The following PCDH15 variants were observed in gnomAD, a reference collection of about 807,000 sequenced individuals.
PCDH15 encodes the protein protocadherin related 15.
Under a neutral mutation model 178.5 loss-of-function variants are expected in PCDH15, and 129 were observed. That is an observed-to-expected ratio of 0.72 (90% CI 0.63 to 0.84). The LOEUF is 0.84. Among genes scored for constraint, PCDH15 ranks in the 40% least tolerant of loss-of-function variants. The pLI is 0.00. For missense variants in PCDH15, 2,230 were observed against 2,099.9 expected, an observed-to-expected ratio of 1.06 and a Z score of -1.21; for synonymous variants, 800 against 732.0, an observed-to-expected ratio of 1.09 and a Z score of -1.50.
Position 53,827,415 on chromosome 10 carries a change from CAT to C in PCDH15, c.4343_4344del (p.Tyr1448Ter), listed in dbSNP as rs1588967380. 6.2e-7 allele frequency: 1 copy of C among 1,612,976 alleles called. No individual in the cohort carries two copies. The highest frequency in any genetic ancestry group is 8.5e-7 in the Non-Finnish European group (1 of 1,179,274). On this transcript the variant is annotated frameshift_variant, in exon 32 of 38. Coordinates refer to ENST00000644397, the MANE Select transcript of PCDH15 (RefSeq NM_001384140.1). LOFTEE classifies it high-confidence loss of function. The part of the protein sequence containing the change: ...PPPPPPGAHL[Y>X]EELGDSSIWS... ...TACATTGAGCTGTCTCCAAGTTCTT[CAT>C]AGAGATGCGCACCTGGCGGAGGCGG...
chr10:54,508,635 A>C (rs1035416007), intron 3 of PCDH15, among the ~76,000 whole-genome samples: 2 of 152,168 alleles, frequency 1.3e-5, no homozygotes, highest in Non-Finnish European at 2.9e-5. Flanking sequence ...AGTGAAAAAC[A>C]GAATGGTTAT....
In PCDH15 at chr10:55,164,679, CTAA is replaced by C. The variant is rs1839152390; in HGVS notation, c.-80+1894_-80+1896del. Among the ~76,000 whole-genome samples, 6 of 151,942 alleles carry C rather than the reference CTAA, an allele frequency of 3.9e-5. No individual in the cohort carries two copies. In the South Asian group the frequency reaches 1.0e-3, roughly 26 times the overall value. ...AGGAGAGAAACAGATTTTCTTTGTACTAATGTCAGGACAAAAATAGAAATCACA... is the reference window on the plus strand; with the variant it reads ...AGGAGAGAAACAGATTTTCTTTGTACTGTCAGGACAAAAATAGAAATCACA... On this transcript the variant is annotated intron_variant, in intron 2 of 5. Transcript: ENST00000458638.
intron 5 of PCDH15, among the ~76,000 whole-genome samples, chr10:54,350,368 G>C (rs931909733): frequency 2.6e-5 from 4 of 152,154 alleles, no homozygotes; most frequent in African/African-American, 9.7e-5. Context: ...TCTTAGCACA[G>C]ATCACTCCTG....
At chr10:54,989,316 G>C (rs1478755303) in intron 2 of PCDH15, among the ~76,000 whole-genome samples, 1 of 152,194 alleles carries the variant, frequency 6.6e-6, no homozygotes, top group Non-Finnish European at 1.5e-5. Flanking sequence ...ACCTTATGGA[G>C]CTGTGAGAAG....
intron 2 of PCDH15, among the ~76,000 whole-genome samples, chr10:55,325,774 C>G (rs1042761788): frequency 5.9e-5 from 9 of 151,970 alleles, no homozygotes; most frequent in African/African-American, 2.2e-4. Context: ...ACAACACCAA[C>G]AACACAATCT....
chr10:54,659,470 C>T (rs2094457204), intron 2 of PCDH15, among the ~76,000 whole-genome samples: 1 of 151,952 alleles, frequency 6.6e-6, no homozygotes. Flanking sequence ...AAATATATAT[C>T]AGCCGGGTGC....
chr10:54,840,266 C>T (rs73256013), intron 3 of PCDH15, among the ~76,000 whole-genome samples: 1 of 151,448 alleles, frequency 6.6e-6, no homozygotes, highest in African/African-American at 2.4e-5. Context: ...TTAATGGATG[C>T]ACAAATATAA....
chr10:55,529,956 A>G (rs1264918546), intron 2 of PCDH15, among the ~76,000 whole-genome samples: 5 of 151,228 alleles, frequency 3.3e-5, no homozygotes, highest in African/African-American at 1.2e-4. Flanking sequence ...TAAAACTGAC[A>G]AAGAAATGTT....
At chr10:54,845,817 T>C (rs542279432) in intron 3 of PCDH15, among the ~76,000 whole-genome samples, 1 of 152,172 alleles carries the variant, frequency 6.6e-6, no homozygotes. Context: ...TAACATGCAA[T>C]TTTTTTGGAA....
At chr10:53,963,505 A>T (rs2088596315) in intron 21 of PCDH15, among the ~76,000 whole-genome samples, 1 of 152,130 alleles carries the variant, frequency 6.6e-6, no homozygotes, top group South Asian at 2.1e-4. Context: ...TCCCAGTCTG[A>T]TAGCTTCAAA....
rs140578575 is a variant in PCDH15, at chr10:55,058,603, C to A, written c.-80+107973G>T. 4.6e-5 allele frequency among the ~76,000 whole-genome samples: 7 copies of A among 152,230 alleles called. No homozygotes were observed. In the East Asian group the frequency reaches 1.4e-3, roughly 29 times the overall value. ...TAGAATATTACAAAACACAGAGACA[C>A]ATACAACTGAAATTAATACACATAA... On this transcript the variant is annotated intron_variant, in intron 2 of 5. Transcript: ENST00000458638.
intron 3 of PCDH15, among the ~76,000 whole-genome samples, chr10:54,500,307 A>T (rs2080547122): frequency 6.6e-6 from 1 of 152,014 alleles, no homozygotes; most frequent in Non-Finnish European, 1.5e-5. Context: ...AGGGGGAGGG[A>T]GGAGGGCAAA....
chr10:55,122,878 G>A (rs891444338), intron 2 of PCDH15, among the ~76,000 whole-genome samples: 6 of 151,880 alleles, frequency 4.0e-5, no homozygotes, highest in Non-Finnish European at 5.9e-5. Flanking sequence ...TTACCCTAAA[G>A]CAATACACAG....
intron 2 of PCDH15, among the ~76,000 whole-genome samples, chr10:55,345,325 C>T (rs1040492236): frequency 6.6e-6 from 1 of 151,928 alleles, no homozygotes; most frequent in African/African-American, 2.4e-5. Context: ...TGGTGCATTC[C>T]TGTCTAAAAA....
At chr10:55,613,569 C>G (rs1481475246) in intron 2 of PCDH15, among the ~76,000 whole-genome samples, 1 of 152,112 alleles carries the variant, frequency 6.6e-6, no homozygotes, top group Admixed American at 6.6e-5. Context: ...GGAAAGTTCA[C>G]ACATAAGGAT....
At chr10:53,893,868 C>T (rs2081759044) in intron 26 of PCDH15, among the ~76,000 whole-genome samples, 1 of 152,056 alleles carries the variant, frequency 6.6e-6, no homozygotes, top group Non-Finnish European at 1.5e-5. Flanking sequence ...ATGACAGGTG[C>T]ACCAAAATCT....
intron 2 of PCDH15, among the ~76,000 whole-genome samples, chr10:54,943,906 G>A (rs920140861): frequency 6.6e-6 from 1 of 151,076 alleles, no homozygotes; most frequent in East Asian, 1.9e-4. Context: ...ATCTCTTAAA[G>A]AGAAGATAAA....
chr10:53,896,244 A>G (rs2081940440), intron 26 of PCDH15, among the ~76,000 whole-genome samples: 1 of 152,184 alleles, frequency 6.6e-6, no homozygotes, highest in African/African-American at 2.4e-5. Flanking sequence ...ATCCATTAAC[A>G]TTTCTTCAAA....
At chr10:55,420,469 C>T (rs11004838) in intron 2 of PCDH15, among the ~76,000 whole-genome samples, 77,515 of 150,272 alleles carry the variant, frequency 0.52, 21,525 homozygotes, top group African/African-American at 0.69. Context: ...CATTTTTTTT[C>T]CCTTCATCTT....
Sources: gnomAD v4.1 joint callset for allele counts (sites outside exome capture counted in the v4.1 genomes callset) on GRCh38, gnomAD v4.1.1 for gene constraint, MANE v1.5 for transcripts, NCBI Gene and HGNC (gene_info 2026-07-23, HGNC 2026-07-21) for gene names.